The following KRT19 variants were observed in gnomAD, a reference collection of about 807,000 sequenced individuals.
KRT19 encodes the protein keratin 19.
In KRT19, 21 loss-of-function variants were observed where a neutral mutation model predicts 34.6. The observed-to-expected ratio is 0.61, with a 90% CI of 0.43 to 0.87. The LOEUF is 0.87. Among genes scored for constraint, KRT19 ranks in the 40% least tolerant of loss-of-function variants. The pLI is 0.00. For synonymous variants in KRT19, 240 were observed against 245.8 expected (o/e 0.98, Z 0.22); for missense variants, 514 against 545.7 (o/e 0.94, Z 0.58).
At chr17:41,525,122 G>T in intron 2 of KRT19, 69 bp downstream of exon 2, 1 of 1,557,470 alleles carries the variant, frequency 6.4e-7, no homozygotes, top group Non-Finnish European at 8.9e-7. Context: ...CTAGGTGAGG[G>T]CAGATTCTAA....
chr17:41,528,293 G>C lies in KRT19; in HGVS notation c.-46C>G. The C allele has an allele frequency of 9.4e-6, 14 of 1,484,172 alleles. No individual in the cohort carries two copies. Among genetic ancestry groups the C allele is most frequent in the Non-Finnish European group, 1.2e-5 (13 of 1,127,174 alleles). The allele number at this position is 1,484,172 out of a possible 1,614,324, so 91.9% of individuals were successfully genotyped here. A position where few individuals can be genotyped will look rare whatever the true frequency, so the allele number is the denominator to read the frequency against. ...GAGCAACCCTGGTCTCAGAAGCTGC[G>C]ATTCGCGGGAGGAGCGGCGAGGCCC... On this transcript the variant is annotated 5_prime_UTR_variant, in exon 1 of 6. The change creates a new upstream start codon in the 5' untranslated region. Coordinates refer to ENST00000361566, the MANE Select transcript of KRT19 (RefSeq NM_002276.5).
chr17:41,525,143 C>T (rs1905816148), intron 2 of KRT19, 48 bp downstream of exon 2: 1 of 1,573,512 alleles, frequency 6.4e-7, no homozygotes, highest in South Asian at 1.1e-5. Context: ...ACCCCCCAAC[C>T]CCTACCCCAG....
Position 41,525,184 on chromosome 17 carries a change from C to T in KRT19, c.503+7G>A. 1 of 1,610,104 alleles carries T rather than the reference C, an allele frequency of 6.2e-7. No homozygotes were observed. Among genetic ancestry groups the T allele is most frequent in the Non-Finnish European group, 8.5e-7 (1 of 1,176,464 alleles). Reference sequence around the variant, plus strand: ...GCTTCTGCAGCCCCCAGGACAGAGACACTCACTTGGTTCGGAAGTCATCTG... The same window carrying T: ...GCTTCTGCAGCCCCCAGGACAGAGATACTCACTTGGTTCGGAAGTCATCTG... On this transcript the variant is annotated splice_region_variant and intron_variant, in intron 2 of 5. Transcript: ENST00000361566.
Position 41,527,864 on chromosome 17 carries a change from G to A in KRT19, c.384C>T (p.Ser128=), listed in dbSNP as rs369514482. ...KQGPGPSRDY[S]HYYTTIQDLR... ...GGTCCTGGATGGTCGTGTAGTAGTG[G>A]CTGTAGTCGCGGGAGGGCCCAGGCC... The change falls in exon 1 of 6, where the codon AGC becomes AGT. Residue 128 remains serine, a synonymous_variant. Transcript: ENST00000361566. 11 of 1,612,390 alleles carry A rather than the reference G, an allele frequency of 6.8e-6. No individual in the cohort carries two copies. The highest frequency in any genetic ancestry group is 1.3e-5 in the African/African-American group (1 of 74,894).
In KRT19 at chr17:41,525,292, G is replaced by A. The variant is rs749303865; in HGVS notation, c.421-19C>T. 1.9e-6 allele frequency: 3 copies of A among 1,585,874 alleles called. No individual in the cohort carries two copies. The highest frequency in any genetic ancestry group is 1.7e-6 in the Non-Finnish European group (2 of 1,154,256). ...CAAGAATCTGGAAGGCAGAGGCAGAGGTTGGTACCAGTTCAACACACAGGC... is the reference window on the plus strand; with the variant it reads ...CAAGAATCTGGAAGGCAGAGGCAGAAGTTGGTACCAGTTCAACACACAGGC... On this transcript the variant is annotated intron_variant, in intron 1 of 5. Coordinates refer to ENST00000361566, the MANE Select transcript of KRT19 (RefSeq NM_002276.5).
In KRT19 at chr17:41,524,918, C is replaced by T. The variant is rs759870419; in HGVS notation, c.585G>A (p.Leu195=). 4.3e-6 allele frequency: 7 copies of T among 1,614,240 alleles called. No individual in the cohort carries two copies. In the South Asian group the frequency reaches 5.5e-5, roughly 13 times the overall value. Residue 195 remains leucine, a synonymous_variant, in exon 3 of 6, where the codon CTG becomes CTA. Transcript: ENST00000361566. ...GLRRVLDELT[L]ARTDLEMQIE... ...TCTGCATCTCCAGGTCGGTCCTGGC[C>T]AGGGTCAGCTCATCCAGCACCCTGC...
At chr17:41,524,668 G>A (rs1280210469) in intron 3 of KRT19, 128 bp from the exon 4 acceptor site, 3 of 1,236,312 alleles carry the variant, frequency 2.4e-6, no homozygotes, top group Admixed American at 3.8e-5. Flanking sequence ...CTAGCACTGG[G>A]GGACAGACTG....
intron 1 of KRT19, among the ~76,000 whole-genome samples, chr17:41,526,348 T>A (rs1905862049): frequency 6.6e-6 from 1 of 152,098 alleles, no homozygotes; most frequent in South Asian, 2.1e-4. Flanking sequence ...TGGTGAGAAT[T>A]GTGTCACCCA....
Position 41,527,949 on chromosome 17 carries a change from G to T in KRT19, c.299C>A (p.Ala100Asp), listed in dbSNP as rs778857554. The T allele has an allele frequency of 6.2e-7, 1 of 1,613,772 alleles. No individual in the cohort carries two copies. The highest frequency in any genetic ancestry group is 8.5e-7 in the Non-Finnish European group (1 of 1,179,912). The change falls in exon 1 of 6, where the codon GCC becomes GAC. Residue 100 changes from alanine (A) to aspartate (D), a missense_variant. Physicochemically the swap from Ala to Asp is moderately radical, Grantham distance 126 (BLOSUM62 -2). Transcript: ENST00000361566. Reference protein sequence around the residue: ...RLASYLDKVRALEAANGELEV... With the variant: ...RLASYLDKVRDLEAANGELEV... ...TAGCTCGCCGTTGGCCGCCTCCAGG[G>T]CGCGCACCTTGTCCAGGTAGGAGGC...
chr17:41,528,028 C>T lies in KRT19; in HGVS notation c.220G>A (p.Gly74Arg), dbSNP rs768328714. 5 of 1,612,502 alleles carry T rather than the reference C, an allele frequency of 3.1e-6. No homozygotes were observed. Among genetic ancestry groups the T allele is most frequent in the Non-Finnish European group, 4.2e-6 (5 of 1,179,740 alleles). Residue 74 changes from glycine (G) to arginine (R), a missense_variant, in exon 1 of 6, where the codon GGG becomes AGG. Coordinates refer to ENST00000361566, the MANE Select transcript of KRT19 (RefSeq NM_002276.5). ...GYGGVLTASD[G>R]LLAGNEKLTM... ...AGCTTCTCGTTGCCCGCCAGCAGCC[C>T]GTCGGACGCGGTCAGGACGCCGCCG...
At chr17:41,524,603 C>A in intron 3 of KRT19, 63 bp from the exon 4 acceptor site, 1 of 1,564,790 alleles carries the variant, frequency 6.4e-7, no homozygotes, top group South Asian at 1.1e-5. Flanking sequence ...TGGCCCAGGT[C>A]ACTTCCCCAC....
chr17:41,526,563 T>TTTC, intron 1 of KRT19, among the ~76,000 whole-genome samples: 1 of 7,582 alleles, frequency 1.3e-4, no homozygotes, highest in South Asian at 0.01. Context: ...AGCTAATTCC[T>TTTC]TTTTTTTTTT....
chr17:41,527,058 C>T (rs921942352), intron 1 of KRT19, among the ~76,000 whole-genome samples: 3 of 152,064 alleles, frequency 2.0e-5, no homozygotes, highest in African/African-American at 7.2e-5. Flanking sequence ...GCTTCTGATA[C>T]ATTTCTTTAC....
chr17:41,525,959 GT>G (rs1482909095), intron 1 of KRT19, among the ~76,000 whole-genome samples: 2 of 151,982 alleles, frequency 1.3e-5, no homozygotes, highest in Admixed American at 6.6e-5. Flanking sequence ...TTTTGGGGGG[GT>G]TTTTTGGTTT....
rs760953846 is a variant in KRT19, at chr17:41,528,278, G to A, written c.-31C>T. On this transcript the variant is annotated 5_prime_UTR_variant, in exon 1 of 6. Coordinates refer to ENST00000361566, the MANE Select transcript of KRT19 (RefSeq NM_002276.5). ...GGCGGAGCACGGACGGAGCAACCCTGGTCTCAGAAGCTGCGATTCGCGGGA... is the reference window on the plus strand; with the variant it reads ...GGCGGAGCACGGACGGAGCAACCCTAGTCTCAGAAGCTGCGATTCGCGGGA... 2.7e-6 allele frequency: 4 copies of A among 1,499,250 alleles called. No homozygotes were observed. Among genetic ancestry groups the A allele is most frequent in the East Asian group, 2.3e-5 (1 of 43,132 alleles). 92.9% of individuals were successfully genotyped at this position (1,499,250 alleles called of 1,614,324 possible). A position where few individuals can be genotyped will look rare whatever the true frequency, so the allele number is the denominator to read the frequency against.
intron 1 of KRT19, among the ~76,000 whole-genome samples, chr17:41,526,034 C>T (rs1025458068): frequency 5.3e-5 from 8 of 152,166 alleles, no homozygotes; most frequent in Middle Eastern, 3.4e-3. Flanking sequence ...TGCAGCGTCG[C>T]GATCTCGGCT....
rs35664318 is a variant in KRT19 at position 41,526,449 on chromosome 17, ATTT to A, written c.421-1179_421-1177del. On this transcript the variant is annotated intron_variant, in intron 1 of 5. Transcript: ENST00000361566. ...GTAGTAAAATGTACTTATTGTCGCA[ATTT>A]TTTTTTTTTTTTGATACAGGGTCTC... Among the ~76,000 whole-genome samples the A allele has an allele frequency of 2.0e-3, 297 of 146,346 alleles. 2 individuals are homozygous for A. The East Asian group carries it at 0.026, about 13-fold the overall frequency.
At chr17:41,527,779 G>C in intron 1 of KRT19, 49 bp downstream of exon 1, 1 of 1,515,434 alleles carries the variant, frequency 6.6e-7, no homozygotes, top group Non-Finnish European at 8.8e-7. Flanking sequence ...GCGGGGCTGG[G>C]TTTCCGCGGC....
intron 3 of KRT19, 101 bp downstream of exon 3, chr17:41,524,742 G>C: frequency 7.2e-7 from 1 of 1,391,156 alleles, no homozygotes; most frequent in Non-Finnish European, 1.0e-6. Flanking sequence ...CCATGGTGAG[G>C]GTGCACCAAG....
Sources: allele counts gnomAD v4.1 joint callset (sites outside exome capture counted in the v4.1 genomes callset), GRCh38; gene constraint gnomAD v4.1.1; transcripts MANE v1.5; gene names NCBI Gene and HGNC (gene_info 2026-07-23, HGNC 2026-07-21).